The following LHFPL6 variants were observed in gnomAD, a reference collection of about 807,000 sequenced individuals.
LHFPL6 encodes the protein LHFPL tetraspan subfamily member 6, also known as LHFPL tetraspan subfamily member 6 protein.
LHFPL6 carries 9 observed loss-of-function variants against 20.6 expected under a neutral mutation model. That is an observed-to-expected ratio of 0.44 (90% CI 0.26 to 0.76). The LOEUF is 0.76. LHFPL6 is among the 30% of genes least tolerant of loss of function. LHFPL6 has a pLI of 0.20. For missense variants in LHFPL6, 218 were observed against 253.5 expected, an observed-to-expected ratio of 0.86 and a Z score of 0.95; for synonymous variants, 105 against 98.7, an observed-to-expected ratio of 1.06 and a Z score of -0.38.
intron 2 of LHFPL6, among the ~76,000 whole-genome samples, chr13:39,437,274 T>C (rs1322680850): frequency 6.6e-6 from 1 of 152,166 alleles, no homozygotes; most frequent in African/African-American, 2.4e-5. Flanking sequence ...AATGTTGGTG[T>C]TGGGGCCTGG....
At chr13:39,353,271 C>T (rs1387771672) in intron 3 of LHFPL6, among the ~76,000 whole-genome samples, 1 of 151,494 alleles carries the variant, frequency 6.6e-6, no homozygotes, top group Non-Finnish European at 1.5e-5. Flanking sequence ...CAGGCGTAAG[C>T]CACCACGCCT....
At chr13:39,425,879 C>T (rs1387318698) in intron 2 of LHFPL6, among the ~76,000 whole-genome samples, 1 of 152,008 alleles carries the variant, frequency 6.6e-6, no homozygotes, top group Non-Finnish European at 1.5e-5. Flanking sequence ...CCAGGCTGGT[C>T]TCAAACTCCT....
chr13:39,438,124 G>C (rs893035836), intron 2 of LHFPL6, among the ~76,000 whole-genome samples: 2 of 152,194 alleles, frequency 1.3e-5, no homozygotes, highest in African/African-American at 2.4e-5. Flanking sequence ...TGAAGTCCAG[G>C]CTGAGGAGGT....
intron 2 of LHFPL6, among the ~76,000 whole-genome samples, chr13:39,379,488 A>T (rs1184839889): frequency 6.6e-6 from 1 of 152,162 alleles, no homozygotes; most frequent in African/African-American, 2.4e-5. Flanking sequence ...CCTAAATAGG[A>T]AAATCCATTA....
intron 2 of LHFPL6, among the ~76,000 whole-genome samples, chr13:39,450,428 T>G (rs989577928): frequency 1.2e-4 from 18 of 152,206 alleles, no homozygotes; most frequent in Non-Finnish European, 2.5e-4. Context: ...GTCAGTTTAA[T>G]GAGTTATGAA....
chr13:39,413,805 A>G (rs1001948688), intron 2 of LHFPL6, among the ~76,000 whole-genome samples: 7 of 152,274 alleles, frequency 4.6e-5, no homozygotes, highest in African/African-American at 1.4e-4. Flanking sequence ...GCACCCCAGT[A>G]GCCTTCCTTC....
intron 2 of LHFPL6, among the ~76,000 whole-genome samples, chr13:39,392,581 C>T (rs189680065): frequency 2.4e-4 from 36 of 150,122 alleles, no homozygotes; most frequent in Admixed American, 7.3e-4. Flanking sequence ...GCAACAAGAG[C>T]TAAACTCCGT....
chr13:39,548,563 TA>T (rs1209296599), intron 2 of LHFPL6, among the ~76,000 whole-genome samples: 3 of 151,500 alleles, frequency 2.0e-5, no homozygotes, highest in African/African-American at 4.9e-5. Flanking sequence ...TTTCTTGGTT[TA>T]AAAAAAAATC....
At chr13:39,444,702 C>T (rs1872239176) in intron 2 of LHFPL6, among the ~76,000 whole-genome samples, 1 of 152,204 alleles carries the variant, frequency 6.6e-6, no homozygotes, top group African/African-American at 2.4e-5. Context: ...TGAAGGCACA[C>T]AGAATGCAAG....
intron 2 of LHFPL6, among the ~76,000 whole-genome samples, chr13:39,388,249 A>G (rs1421971983): frequency 6.6e-6 from 1 of 152,168 alleles, no homozygotes. Context: ...CTTGATTCTC[A>G]TTCTTCTTTT....
chr13:39,459,194 A>ATGTGTGTGTGTGTGTG lies in LHFPL6; in HGVS notation c.386-80684_386-80669dup, dbSNP rs58955444. 1.4e-3 allele frequency among the ~76,000 whole-genome samples: 189 copies of ATGTGTGTGTGTGTGTG among 136,052 alleles called. 2 individuals are homozygous for ATGTGTGTGTGTGTGTG. The highest frequency in any genetic ancestry group is 4.5e-3 in the African/African-American group (163 of 36,328). 89.3% of individuals were successfully genotyped at this position (136,052 alleles called of 152,430 possible). The stretch of plus-strand genomic sequence containing the variant: ...CAGTAATAGCTGGACAAGTTCCTTA[A>ATGTGTGTGTGTGTGTG]TGTGTGTGTGTGTGTGTGTGTGTGT... On this transcript the variant is annotated intron_variant, in intron 2 of 3. Coordinates refer to ENST00000379589, the MANE Select transcript of LHFPL6 (RefSeq NM_005780.3).
chr13:39,496,130 G>T (rs1453116132), intron 2 of LHFPL6, among the ~76,000 whole-genome samples: 2 of 152,110 alleles, frequency 1.3e-5, no homozygotes, highest in Non-Finnish European at 2.9e-5. Flanking sequence ...CTTTGTCTGG[G>T]CTGCTGTGAC....
chr13:39,353,006 T>G (rs2138338798), intron 3 of LHFPL6, among the ~76,000 whole-genome samples: 1 of 141,140 alleles, frequency 7.1e-6, no homozygotes, highest in East Asian at 2.1e-4. Context: ...TTTTTTTTTT[T>G]GAGACAGAGT....
chr13:39,512,092 T>A (rs1403451326), intron 2 of LHFPL6, among the ~76,000 whole-genome samples: 1 of 152,206 alleles, frequency 6.6e-6, no homozygotes, highest in Admixed American at 6.5e-5. Context: ...TATTTGTAAT[T>A]TAAAGACTTT....
intron 2 of LHFPL6, among the ~76,000 whole-genome samples, chr13:39,489,741 C>T (rs1420022250): frequency 2.0e-5 from 3 of 151,922 alleles, no homozygotes; most frequent in Admixed American, 6.6e-5. Flanking sequence ...TTAGTAGAGA[C>T]GACGTGTTTC....
chr13:39,498,893 C>T (rs1465165002), intron 2 of LHFPL6, among the ~76,000 whole-genome samples: 2 of 152,206 alleles, frequency 1.3e-5, no homozygotes, highest in African/African-American at 4.8e-5. Flanking sequence ...CAAAGCCTTG[C>T]TCTGCCATCC....
chr13:39,400,589 C>T (rs967675169), intron 2 of LHFPL6, among the ~76,000 whole-genome samples: 2 of 151,352 alleles, frequency 1.3e-5, no homozygotes, highest in Middle Eastern at 3.2e-3. Context: ...CGAGACCATC[C>T]CGGCTAAAAC....
intron 2 of LHFPL6, among the ~76,000 whole-genome samples, chr13:39,545,070 T>G (rs190020129): frequency 0.012 from 1,841 of 151,476 alleles, 36 homozygotes; most frequent in African/African-American, 0.043. Context: ...GTGAAACCCC[T>G]GTCTCTACTA....
chr13:39,536,699 T>A (rs980799408), intron 2 of LHFPL6, among the ~76,000 whole-genome samples: 7 of 152,274 alleles, frequency 4.6e-5, no homozygotes, highest in Non-Finnish European at 8.8e-5. Context: ...CATCAGTATT[T>A]CCCTCTCCTC....
Sources: allele counts gnomAD v4.1 joint callset (sites outside exome capture counted in the v4.1 genomes callset), GRCh38; gene constraint gnomAD v4.1.1; transcripts MANE v1.5; gene names NCBI Gene and HGNC (gene_info 2026-07-23, HGNC 2026-07-21).